The following KGD4 variants were observed in gnomAD, a reference collection of about 807,000 sequenced individuals.
KGD4 encodes the protein alpha-ketoglutarate dehydrogenase subunit 4.
At chr5:69,227,670 G>T in the KGD4 span, among the ~76,000 whole-genome samples, 2 of 152,130 alleles carry the variant, frequency 1.3e-5, no homozygotes, top group African/African-American at 2.4e-5. Flanking sequence ...ATTCCTTATT[G>T]TAAGATATTA....
At chr5:69,219,355 C>T in the KGD4 span, among the ~76,000 whole-genome samples, 1 of 152,104 alleles carries the variant, frequency 6.6e-6, no homozygotes, top group Non-Finnish European at 1.5e-5. Context: ...GAGTTACTAG[C>T]AAAGAACTGG....
chr5:69,218,596 C>A, the KGD4 span, among the ~76,000 whole-genome samples: 2 of 151,928 alleles, frequency 1.3e-5, no homozygotes, highest in African/African-American at 4.8e-5. Flanking sequence ...TCCTGATAGC[C>A]TTTTTATTTG....
the KGD4 span, among the ~76,000 whole-genome samples, chr5:69,227,227 G>A: frequency 1.3e-5 from 2 of 152,158 alleles, no homozygotes; most frequent in Non-Finnish European, 2.9e-5. Flanking sequence ...TGAATTTCTA[G>A]TGAGTTTATA....
At chr5:69,221,886 G>T in the KGD4 span, among the ~76,000 whole-genome samples, 3 of 142,986 alleles carry the variant, frequency 2.1e-5, no homozygotes, top group Admixed American at 2.2e-4. Flanking sequence ...AAAACATAAG[G>T]CTGGGCACGG....
the KGD4 span, chr5:69,217,795 G>T: frequency 6.2e-7 from 1 of 1,613,024 alleles, no homozygotes. Flanking sequence ...GCCGCGGCTC[G>T]CTCGCGCCCC....
chr5:69,217,846 T>G, the KGD4 span: 1 of 1,613,760 alleles, frequency 6.2e-7, no homozygotes, highest in Non-Finnish European at 8.5e-7. Context: ...GGCAGCAAGA[T>G]GGCGTCTGCT....
the KGD4 span, among the ~76,000 whole-genome samples, chr5:69,223,223 T>G: frequency 0.29 from 44,422 of 150,936 alleles, 7,948 homozygotes; most frequent in Non-Finnish European, 0.4. Flanking sequence ...GGACTACAGG[T>G]GTGTGCCACC....
the KGD4 span, among the ~76,000 whole-genome samples, chr5:69,220,944 C>T: frequency 1.3e-5 from 2 of 152,086 alleles, no homozygotes; most frequent in East Asian, 3.8e-4. Context: ...GGATTAAGGG[C>T]GGTGCAAGAT....
chr5:69,226,285 T>A, the KGD4 span: 28 of 1,257,086 alleles, frequency 2.2e-5, no homozygotes, highest in Non-Finnish European at 3.1e-5. Flanking sequence ...GTTTAGTAGA[T>A]CATTTCTTTT....
At chr5:69,217,899 C>G in the KGD4 span, 82 of 1,613,950 alleles carry the variant, frequency 5.1e-5, no homozygotes, top group Non-Finnish European at 6.6e-5. Flanking sequence ...GTTTCCGCAT[C>G]TTGGGCGGTA....
At chr5:69,228,137 A>T in the KGD4 span, 1 of 1,261,856 alleles carries the variant, frequency 7.9e-7, no homozygotes, top group Non-Finnish European at 1.1e-6. Flanking sequence ...TAGTATTTTA[A>T]GACTCAGTAT....
chr5:69,223,831 G>A, the KGD4 span, among the ~76,000 whole-genome samples: 9 of 148,482 alleles, frequency 6.1e-5, no homozygotes, highest in Admixed American at 6.7e-5. Flanking sequence ...GAGGCCGTTC[G>A]AAACCAGCCT....
the KGD4 span, among the ~76,000 whole-genome samples, chr5:69,227,560 G>A: frequency 6.6e-6 from 1 of 151,968 alleles, no homozygotes; most frequent in African/African-American, 2.4e-5. Flanking sequence ...CATTTTATAG[G>A]TATATTTTTA....
At chr5:69,218,352 G>C in the KGD4 span, among the ~76,000 whole-genome samples, 1 of 152,264 alleles carries the variant, frequency 6.6e-6, no homozygotes, top group Non-Finnish European at 1.5e-5. Flanking sequence ...CTGGCCCCGC[G>C]TACTGCGTCC....
At chr5:69,220,990 TCGTTAAGAG>T in the KGD4 span, among the ~76,000 whole-genome samples, 6 of 152,126 alleles carry the variant, frequency 3.9e-5, no homozygotes, top group Non-Finnish European at 1.5e-5. Flanking sequence ...GGCAGCATGC[TCGTTAAGAG>T]TCATCACCAC....
chr5:69,218,033 G>C, the KGD4 span: 1 of 1,153,166 alleles, frequency 8.7e-7, no homozygotes, highest in African/African-American at 1.5e-5. Context: ...ATGGGACTTT[G>C]AGCCTGTTGG....
At chr5:69,218,115 G>A in the KGD4 span, 1 of 584,004 alleles carries the variant, frequency 1.7e-6, no homozygotes, top group Non-Finnish European at 3.0e-6. Flanking sequence ...TTGGCAGGTA[G>A]GTCCTGTACC....
the KGD4 span, chr5:69,229,276 A>C: frequency 2.6e-6 from 4 of 1,515,030 alleles, no homozygotes; most frequent in Non-Finnish European, 2.7e-6. Flanking sequence ...TTTACAATAA[A>C]GGACTTCCAA....
At chr5:69,218,470 A>ATGTATG in the KGD4 span, among the ~76,000 whole-genome samples, 1 of 148,524 alleles carries the variant, frequency 6.7e-6, no homozygotes, top group Non-Finnish European at 1.5e-5. Flanking sequence ...GTGTATATTA[A>ATGTATG]TGTGTGTGTG....
Sources: allele counts gnomAD v4.1 joint callset (sites outside exome capture counted in the v4.1 genomes callset), GRCh38; gene constraint gnomAD v4.1.1; transcripts MANE v1.5; gene names NCBI Gene and HGNC (gene_info 2026-07-23, HGNC 2026-07-21).